TSEN2: variants seen among roughly 807,000 people sequenced by gnomAD.
The protein encoded by TSEN2 is tRNA-splicing endonuclease subunit Sen2.
TSEN2 carries 54 observed loss-of-function variants against 59.2 expected under a neutral mutation model. The ratio of observed to expected loss-of-function variants is 0.91; its 90% CI spans 0.73 to 1.14. The LOEUF (loss-of-function observed/expected upper bound fraction) is 1.14, where lower values mean the gene tolerates loss of function less well. TSEN2 is among the 50% of genes most tolerant of loss of function. The probability of loss-of-function intolerance (pLI) is 0.00; values close to 1 mark genes in which losing one functional copy is unlikely to be tolerated. For synonymous variants in TSEN2, 195 were observed against 198.2 expected, an observed-to-expected ratio of 0.98 and a Z score of 0.14; for missense variants, 636 against 576.2, an observed-to-expected ratio of 1.10 and a Z score of -1.06.
chr3:12,532,774 G>A lies in TSEN2; in HGVS notation c.*53G>A, dbSNP rs1168872338. The A allele has an allele frequency of 1.3e-6, 2 of 1,570,154 alleles. No individual in the cohort carries two copies. The highest frequency in any genetic ancestry group is 1.1e-5 in the South Asian group (1 of 90,134). ...CCAACAACTATTTATTGAGGGCTAGGTAAAAAGTTCTTTTTGTTGTAATCG... is the reference window on the plus strand; with the variant it reads ...CCAACAACTATTTATTGAGGGCTAGATAAAAAGTTCTTTTTGTTGTAATCG... On this transcript the variant is annotated 3_prime_UTR_variant, in exon 12 of 12. Coordinates refer to ENST00000284995, the MANE Select transcript of TSEN2 (RefSeq NM_025265.4).
chr3:12,517,511 C>G (rs1559338582), intron 7 of TSEN2, among the ~76,000 whole-genome samples: 1 of 152,128 alleles, frequency 6.6e-6, no homozygotes, highest in Non-Finnish European at 1.5e-5. Context: ...TTGTTGCCTG[C>G]TGCCTTTGGA....
intron 1 of TSEN2, among the ~76,000 whole-genome samples, chr3:12,488,900 A>G (rs2052923242): frequency 6.6e-6 from 1 of 152,226 alleles, no homozygotes; most frequent in Non-Finnish European, 1.5e-5. Context: ...GGTCGTCTAC[A>G]AATCTCTCTA....
In TSEN2 at chr3:12,531,597, C is replaced by A; in HGVS notation, c.1276C>A (p.Pro426Thr). The change falls in exon 11 of 12, where the codon CCC becomes ACC. Residue 426 changes from proline (P) to threonine (T), a missense_variant. By Grantham distance (38) the Pro-to-Thr change is conservative. Transcript: ENST00000284995. ...ACTTATGCTGTGCTATTTGATTAAA[C>A]CCTCTACTATGACTGACAAGGAAAT... is the stretch of plus-strand genomic sequence containing the variant. ...KELMLCYLIK[P>T]STMTDKEMES... The A allele has an allele frequency of 6.2e-7, 1 of 1,612,176 alleles. No individual in the cohort carries two copies. The highest frequency in any genetic ancestry group is 8.5e-7 in the Non-Finnish European group (1 of 1,178,278).
chr3:12,509,670 A>G (rs1372523145), intron 6 of TSEN2, among the ~76,000 whole-genome samples: 2 of 152,156 alleles, frequency 1.3e-5, no homozygotes, highest in Non-Finnish European at 2.9e-5. Flanking sequence ...CCATGGCAGC[A>G]CCCCAGTAAG....
chr3:12,536,354 C>G (rs1287294650), downstream of TSEN2, among the ~76,000 whole-genome samples: 1 of 152,066 alleles, frequency 6.6e-6, no homozygotes, highest in Non-Finnish European at 1.5e-5. Flanking sequence ...TTGTATAGAT[C>G]ATTTTAGTGT....
chr3:12,516,738 G>A (rs2056166018), intron 7 of TSEN2, 77 bp downstream of exon 7: 2 of 1,312,438 alleles, frequency 1.5e-6, no homozygotes, highest in Non-Finnish European at 2.2e-6. Flanking sequence ...TTTCTATATT[G>A]CATTAATACA....
chr3:12,488,480 T>A (rs2052868785), intron 1 of TSEN2, among the ~76,000 whole-genome samples: 1 of 152,236 alleles, frequency 6.6e-6, no homozygotes, highest in Admixed American at 6.5e-5. Context: ...CCCATGTATA[T>A]GGTTACGTTT....
At chr3:12,526,325 C>G (rs1465042809) in intron 8 of TSEN2, among the ~76,000 whole-genome samples, 1 of 152,166 alleles carries the variant, frequency 6.6e-6, no homozygotes, top group Admixed American at 6.5e-5. Context: ...ATTCATAAGT[C>G]CCCTATACAG....
At position 12,489,943 on chromosome 3, in the gene TSEN2, A is replaced by G. The variant is rs761935294; in HGVS notation, c.143A>G (p.Asn48Ser). 2.5e-6 allele frequency: 4 copies of G among 1,614,072 alleles called. No individual in the cohort carries two copies. The highest frequency in any genetic ancestry group is 3.4e-6 in the Non-Finnish European group (4 of 1,180,046). Residue 48 changes from asparagine (N) to serine (S), a missense_variant, in exon 2 of 12, where the codon AAT becomes AGT. Asn to Ser is a conservative substitution (Grantham distance 46, BLOSUM62 1). Coordinates refer to ENST00000284995, the MANE Select transcript of TSEN2 (RefSeq NM_025265.4). ...TTCCGTGCTGAAATGATTAACAACA[A>G]TGTGATTGTGAGGAATGCGGAGGAC... ...KIFRAEMINN[N>S]VIVRNAEDIE...
Position 12,529,777 on chromosome 3 carries a change from C to T in TSEN2, c.1152C>T (p.Ile384=), listed in dbSNP as rs1381826389. 3.1e-6 allele frequency: 5 copies of T among 1,613,930 alleles called. No homozygotes were observed. The highest frequency in any genetic ancestry group is 2.2e-5 in the East Asian group (1 of 44,872). Residue 384 remains isoleucine, a synonymous_variant, in exon 10 of 12, where the codon ATC becomes ATT. Coordinates refer to ENST00000284995, the MANE Select transcript of TSEN2 (RefSeq NM_025265.4). ...TATTTTCCAGTTATTCTGTCATTAT[C>T]GAGCTAGTTGATGACCATTTTGAAG... ...PFYHASYSVI[I]ELVDDHFEGS... is the part of the protein sequence containing the mutation.
intron 10 of TSEN2, chr3:12,530,212 A>G (rs1390770757): frequency 1.8e-6 from 2 of 1,112,004 alleles, no homozygotes; most frequent in Non-Finnish European, 2.2e-6. Flanking sequence ...GCAATTTAAC[A>G]TTCACTCATA....
chr3:12,514,320 TC>T (rs1490070606), intron 6 of TSEN2, among the ~76,000 whole-genome samples: 2 of 152,310 alleles, frequency 1.3e-5, no homozygotes, highest in East Asian at 1.9e-4. Context: ...AGTGGTAAGA[TC>T]ATGCAGGGAC....
At position 12,484,545 on chromosome 3, in the gene TSEN2, G is replaced by T. The variant is rs1023680154; in HGVS notation, c.-353G>T. 117 of 152,452 alleles carry T rather than the reference G, an allele frequency of 7.7e-4. 1 individual carries two copies. Among genetic ancestry groups the T allele is most frequent in the African/African-American group, 2.6e-3 (110 of 41,600 alleles). 9.4% of individuals were successfully genotyped at this position (152,452 alleles called of 1,614,324 possible). ...AAGGGCCCTGGGCGAGGAAAGCGCG[G>T]CCCTTTCCGAGTTTGGTGTTTTGCA... On this transcript the variant is annotated 5_prime_UTR_variant, in exon 1 of 12. Transcript: ENST00000284995.
chr3:12,496,738 G>A (rs1001034595), intron 4 of TSEN2, among the ~76,000 whole-genome samples, 184 bp downstream of exon 4: 2 of 152,150 alleles, frequency 1.3e-5, no homozygotes, highest in African/African-American at 4.8e-5. Context: ...AATGCCTTAC[G>A]TGAGTTTATG....
intron 1 of TSEN2, among the ~76,000 whole-genome samples, chr3:12,488,359 T>G (rs1414130187): frequency 6.6e-6 from 1 of 152,210 alleles, no homozygotes; most frequent in African/African-American, 2.4e-5. Context: ...AAGCTCTCAG[T>G]TGAAATCAAG....
chr3:12,535,983 CTGAA>C (rs1360536327), downstream of TSEN2, among the ~76,000 whole-genome samples: 3 of 152,190 alleles, frequency 2.0e-5, no homozygotes, highest in Admixed American at 6.5e-5. Flanking sequence ...GCTTTGCAGA[CTGAA>C]TGAAATGAGA....
At chr3:12,493,813 TA>T (rs1220520190) in intron 3 of TSEN2, among the ~76,000 whole-genome samples, 1 of 152,226 alleles carries the variant, frequency 6.6e-6, no homozygotes, top group Non-Finnish European at 1.5e-5. Context: ...TATTAAATGG[TA>T]AAAGTTTTTC....
upstream of TSEN2, among the ~76,000 whole-genome samples, chr3:12,480,786 G>A (rs2052184109): frequency 6.6e-6 from 1 of 151,854 alleles, no homozygotes; most frequent in African/African-American, 2.4e-5. Flanking sequence ...AACCCACCTC[G>A]GCCTCCCAGA....
chr3:12,523,943 C>A (rs1194923512), intron 8 of TSEN2, among the ~76,000 whole-genome samples: 2 of 152,136 alleles, frequency 1.3e-5, no homozygotes, highest in Admixed American at 6.5e-5. Context: ...CCATATTAAT[C>A]CGTAAGTATT....
Sources: gnomAD v4.1 joint callset for allele counts (sites outside exome capture counted in the v4.1 genomes callset) on GRCh38, gnomAD v4.1.1 for gene constraint, MANE v1.5 for transcripts, NCBI Gene and HGNC (gene_info 2026-07-23, HGNC 2026-07-21) for gene names.